GPHN: variants seen among roughly 807,000 people sequenced by gnomAD.
The protein encoded by GPHN is gephyrin.
Under a neutral mutation model 95.5 loss-of-function variants are expected in GPHN, and 17 were observed. The ratio of observed to expected loss-of-function variants is 0.18; its 90% confidence interval spans 0.12 to 0.27. The LOEUF is 0.27. Ranked by LOEUF, GPHN falls within the 10% of genes least tolerant of loss-of-function variation. GPHN has a pLI of 1.00. For synonymous variants in GPHN, 320 were observed against 322.5 expected (o/e 0.99, Z 0.08); for missense variants, 660 against 978.1 (o/e 0.67, Z 4.34).
At chr14:66,957,187 CTTTTTTTTTT>C (rs1157690518) in intron 8 of GPHN, among the ~76,000 whole-genome samples, 2 of 84,830 alleles carry the variant, frequency 2.4e-5, no homozygotes, top group Non-Finnish European at 4.2e-5. Context: ...TTCTTTCTTT[CTTTTTTTTTT>C]TTTTTTTTTT....
At chr14:67,055,554 A>T (rs112566011) in intron 10 of GPHN, among the ~76,000 whole-genome samples, 1 of 152,234 alleles carries the variant, frequency 6.6e-6, no homozygotes, top group East Asian at 1.9e-4. Flanking sequence ...ATTACTGGGT[A>T]TATACCCAAA....
At chr14:67,198,639 T>C in the GPHN span, among the ~76,000 whole-genome samples, 1 of 152,204 alleles carries the variant, frequency 6.6e-6, no homozygotes, top group Admixed American at 6.5e-5. Flanking sequence ...GATAACTTCT[T>C]TCTTAGGCGT....
At chr14:66,954,270 C>T (rs1348646405) in intron 8 of GPHN, among the ~76,000 whole-genome samples, 1 of 152,100 alleles carries the variant, frequency 6.6e-6, no homozygotes, top group Non-Finnish European at 1.5e-5. Flanking sequence ...TCCATTAACA[C>T]ATATGTCTTT....
chr14:66,543,150 A>G (rs1291709165), intron 1 of GPHN, among the ~76,000 whole-genome samples: 1 of 151,878 alleles, frequency 6.6e-6, no homozygotes, highest in African/African-American at 2.4e-5. Context: ...TGAGAACTAT[A>G]CCCCTGTGAT....
the GPHN span, among the ~76,000 whole-genome samples, chr14:67,607,436 G>A: frequency 2.6e-5 from 4 of 151,990 alleles, no homozygotes; most frequent in African/African-American, 2.4e-5. Context: ...GCGCGATCTC[G>A]GCTCACTGCA....
chr14:67,381,573 T>C, the GPHN span: 1 of 1,596,684 alleles, frequency 6.3e-7, no homozygotes. Flanking sequence ...TTATCAACTT[T>C]TGAATTTTTG....
chr14:67,553,952 T>A, the GPHN span, among the ~76,000 whole-genome samples: 1 of 152,180 alleles, frequency 6.6e-6, no homozygotes, highest in East Asian at 1.9e-4. Context: ...CTTGAACACG[T>A]GAATGCCTGT....
chr14:67,161,563 C>T (rs1003520730), intron 19 of GPHN, among the ~76,000 whole-genome samples: 9 of 151,910 alleles, frequency 5.9e-5, no homozygotes, highest in African/African-American at 2.2e-4. Flanking sequence ...AAGTTGGAGA[C>T]CAACCTGGGC....
At chr14:66,592,080 T>A (rs12905049) in intron 1 of GPHN, among the ~76,000 whole-genome samples, 1 of 152,274 alleles carries the variant, frequency 6.6e-6, no homozygotes, top group Admixed American at 6.5e-5. Flanking sequence ...TAAATGGTGT[T>A]GGGAAAACTG....
the GPHN span, among the ~76,000 whole-genome samples, chr14:67,311,603 A>T: frequency 5.3e-5 from 8 of 152,322 alleles, no homozygotes; most frequent in African/African-American, 1.9e-4. Context: ...TAATTCCTTT[A>T]TAACTTCTTA....
chr14:67,501,575 C>T, the GPHN span, among the ~76,000 whole-genome samples: 4 of 152,176 alleles, frequency 2.6e-5, no homozygotes, highest in African/African-American at 9.6e-5. Flanking sequence ...GCCATGGCCA[C>T]AGGCTATAGT....
At chr14:67,577,345 C>CG in the GPHN span, 5 of 1,585,158 alleles carry the variant, frequency 3.2e-6, no homozygotes, top group African/African-American at 6.7e-5. Flanking sequence ...ACAGCAAAGA[C>CG]GGCCTATACG....
At position 66,508,516 on chromosome 14, in the gene GPHN, G is replaced by A. The variant is rs1021182751; in HGVS notation, c.-12G>A. 1.4e-5 allele frequency: 22 copies of A among 1,613,832 alleles called. No homozygotes were observed. The highest frequency in any genetic ancestry group is 1.9e-5 in the Non-Finnish European group (22 of 1,179,738). Reference sequence around the variant, plus strand: ...CCCGGCTCCTGTCAGTGCGGTGACTGCGCTGGGAAACATGGCGACCGAGGG... The same window carrying A: ...CCCGGCTCCTGTCAGTGCGGTGACTACGCTGGGAAACATGGCGACCGAGGG... On this transcript the variant is annotated 5_prime_UTR_variant, in exon 1 of 23. Transcript: ENST00000478722.
the GPHN span, chr14:67,677,363 A>ATTTTTTTTTTTTTTTTTTTTTTTTTTTTT: frequency 6.3e-5 from 2 of 31,978 alleles, no homozygotes; most frequent in East Asian, 1.4e-3. Context: ...TGTTTTTAGG[A>ATTTTTTTTTTTTTTTTTTTTTTTTTTTTT]TTTTTTTTTT....
intron 2 of GPHN, among the ~76,000 whole-genome samples, chr14:66,759,695 T>C (rs1344688741): frequency 6.6e-6 from 1 of 152,182 alleles, no homozygotes; most frequent in Admixed American, 6.5e-5. Context: ...TCTGTTACTT[T>C]TAAGTGCAGC....
chr14:66,666,308 G>T (rs968369976), intron 1 of GPHN, among the ~76,000 whole-genome samples: 2 of 150,062 alleles, frequency 1.3e-5, no homozygotes, highest in Non-Finnish European at 3.0e-5. Context: ...ACCCAAAAAA[G>T]GAAAAGAATG....
intron 8 of GPHN, among the ~76,000 whole-genome samples, chr14:66,945,697 G>A (rs2067705689): frequency 6.6e-6 from 1 of 152,198 alleles, no homozygotes; most frequent in African/African-American, 2.4e-5. Context: ...AAGAAGATTT[G>A]TAAACGGCAA....
At chr14:66,955,082 T>C (rs768977441) in intron 8 of GPHN, among the ~76,000 whole-genome samples, 19 of 152,202 alleles carry the variant, frequency 1.2e-4, no homozygotes, top group Non-Finnish European at 2.5e-4. Flanking sequence ...TTTGTTCTTA[T>C]GATGTCATTG....
the GPHN span, chr14:67,559,748 C>T: frequency 1.5e-5 from 18 of 1,184,244 alleles, no homozygotes; most frequent in Admixed American, 2.0e-5. Flanking sequence ...CCTGCCCTGA[C>T]CCCCGGAGTT....
Sources: allele counts gnomAD v4.1 joint callset (sites outside exome capture counted in the v4.1 genomes callset), GRCh38; gene constraint gnomAD v4.1.1; transcripts MANE v1.5; gene names NCBI Gene and HGNC (gene_info 2026-07-23, HGNC 2026-07-21).